Variants in INPP4B observed in about 807,000 individuals in gnomAD.
The protein encoded by INPP4B is inositol polyphosphate-4-phosphatase type II B, also known as inositol polyphosphate 4-phosphatase type II.
Under a neutral mutation model 122.5 loss-of-function variants are expected in INPP4B, and 55 were observed. The ratio of observed to expected loss-of-function variants is 0.45; its 90% CI spans 0.36 to 0.56. The LOEUF (loss-of-function observed/expected upper bound fraction) is 0.56, where lower values mean the gene tolerates loss of function less well. Ranked by LOEUF, INPP4B falls within the 20% of genes least tolerant of loss-of-function variation. The pLI is 0.00. For synonymous variants in INPP4B, 403 were observed against 388.7 expected, an observed-to-expected ratio of 1.04 and a Z score of -0.43; for missense variants, 1,000 against 1,097.7, an observed-to-expected ratio of 0.91 and a Z score of 1.26.
At chr4:142,253,506 G>A (rs1234131075) in intron 11 of INPP4B, among the ~76,000 whole-genome samples, 6 of 152,140 alleles carry the variant, frequency 3.9e-5, no homozygotes, top group East Asian at 1.9e-4. Flanking sequence ...CGCACCATGT[G>A]CGAGCCGAAG....
At chr4:142,203,246 C>T (rs1049559834) in intron 14 of INPP4B, among the ~76,000 whole-genome samples, 3 of 152,096 alleles carry the variant, frequency 2.0e-5, no homozygotes, top group Non-Finnish European at 2.9e-5. Flanking sequence ...GTTAGCTATA[C>T]ATTAATAATG....
intron 7 of INPP4B, among the ~76,000 whole-genome samples, chr4:142,365,609 A>G (rs1404040101): frequency 2.0e-5 from 3 of 152,140 alleles, no homozygotes; most frequent in Non-Finnish European, 2.9e-5. Flanking sequence ...GGCTACATCA[A>G]TTAAATGCGA....
chr4:142,563,389 C>A (rs1374577321), intron 2 of INPP4B, among the ~76,000 whole-genome samples: 1 of 151,932 alleles, frequency 6.6e-6, no homozygotes, highest in Non-Finnish European at 1.5e-5. Flanking sequence ...CCAGAATAGG[C>A]AAATTGAAAA....
intron 7 of INPP4B, among the ~76,000 whole-genome samples, chr4:142,320,128 C>A (rs1476067885): frequency 6.6e-6 from 1 of 152,198 alleles, no homozygotes; most frequent in Non-Finnish European, 1.5e-5. Flanking sequence ...TGAGGCCACA[C>A]ACCAGCAGCC....
chr4:142,410,204 C>T (rs1311718295), intron 5 of INPP4B, among the ~76,000 whole-genome samples: 2 of 152,142 alleles, frequency 1.3e-5, no homozygotes, highest in Admixed American at 1.3e-4. Context: ...CAACACTGCT[C>T]GAATTCAAGT....
Position 142,063,160 on chromosome 4 carries a change from T to A in INPP4B, c.2642+18871A>T, listed in dbSNP as rs1578770758. Among the ~76,000 whole-genome samples the A allele has an allele frequency of 3.3e-5, 5 of 152,238 alleles. No individual in the cohort carries two copies. In the South Asian group the frequency reaches 1.0e-3, roughly 32 times the overall value. ...CTGAGCATTTTCCTTAGAGGAGAAG[T>A]CAATATCTATGAGGAGTGCTGACTA... On this transcript the variant is annotated intron_variant, in intron 25 of 25. Transcript: ENST00000262992.
intron 2 of INPP4B, among the ~76,000 whole-genome samples, chr4:142,588,617 A>C (rs1202669965): frequency 6.6e-6 from 1 of 150,862 alleles, no homozygotes; most frequent in Non-Finnish European, 1.5e-5. Flanking sequence ...AAAATGAAAT[A>C]AGAATAAATA....
At chr4:142,485,832 T>G (rs1232836268) in intron 2 of INPP4B, among the ~76,000 whole-genome samples, 1 of 152,098 alleles carries the variant, frequency 6.6e-6, no homozygotes, top group Non-Finnish European at 1.5e-5. Context: ...ATACACCCAT[T>G]ATTAAATAGC....
chr4:142,211,756 C>A (rs923444135), intron 12 of INPP4B, among the ~76,000 whole-genome samples: 1 of 152,130 alleles, frequency 6.6e-6, no homozygotes, highest in African/African-American at 2.4e-5. Flanking sequence ...GTTATTAAGT[C>A]CTCTGCCTTT....
chr4:142,399,578 G>A (rs1800933969), intron 7 of INPP4B, among the ~76,000 whole-genome samples: 1 of 152,146 alleles, frequency 6.6e-6, no homozygotes, highest in Admixed American at 6.5e-5. Flanking sequence ...CATTGTAAAT[G>A]ATGTCCTGAA....
At chr4:142,735,751 C>T (rs2150896942) in intron 1 of INPP4B, among the ~76,000 whole-genome samples, 1 of 152,180 alleles carries the variant, frequency 6.6e-6, no homozygotes, top group African/African-American at 2.4e-5. Flanking sequence ...TGTGAAATTT[C>T]TCATTTTATT....
chr4:142,641,489 A>G (rs557478935), intron 2 of INPP4B, among the ~76,000 whole-genome samples: 3 of 143,638 alleles, frequency 2.1e-5, no homozygotes, highest in African/African-American at 7.8e-5. Context: ...CTCATTTTTC[A>G]GTTCCCAGCT....
chr4:142,833,458 T>C (rs1179318915), intron 1 of INPP4B, among the ~76,000 whole-genome samples: 4 of 152,110 alleles, frequency 2.6e-5, no homozygotes, highest in Admixed American at 6.6e-5. Flanking sequence ...GATCTTTGAG[T>C]ATAGAATATA....
chr4:142,541,204 T>C (rs1057129064), intron 2 of INPP4B, among the ~76,000 whole-genome samples: 10 of 152,224 alleles, frequency 6.6e-5, no homozygotes, highest in African/African-American at 2.2e-4. Flanking sequence ...CATGTAATCC[T>C]CAAAGAAGTA....
In INPP4B at chr4:142,846,179, C is replaced by G. The variant is rs1399484896; in HGVS notation, c.-254+30G>C. 6.6e-6 allele frequency: 1 copy of G among 152,340 alleles called. No individual in the cohort carries two copies. Among genetic ancestry groups the G allele is most frequent in the African/African-American group, 2.4e-5 (1 of 41,428 alleles). The allele number at this position is 152,340 out of a possible 1,614,324, so 9.4% of individuals were successfully genotyped here. On this transcript the variant is annotated intron_variant, in intron 1 of 25. Transcript: ENST00000262992. This position sits in a 1 kb window ranked among gnomAD's most constrained non-coding sequence, Gnocchi z 5.1. ...ACCCCACCCTGCAAAATTCCCCCAC[C>G]GAGCCCTAGGATCCCAGGCGGGTAA... is the stretch of plus-strand genomic sequence containing the variant.
intron 15 of INPP4B, among the ~76,000 whole-genome samples, chr4:142,182,077 G>A (rs944757839): frequency 2.6e-5 from 4 of 152,152 alleles, no homozygotes; most frequent in Non-Finnish European, 4.4e-5. Context: ...TCTTTTGACT[G>A]CTTGAGGGTA....
chr4:142,356,542 G>C (rs1212784034), intron 7 of INPP4B, among the ~76,000 whole-genome samples: 2 of 151,814 alleles, frequency 1.3e-5, no homozygotes, highest in South Asian at 2.1e-4. Context: ...GAGGATAAAA[G>C]GTTGCTCTTG....
intron 15 of INPP4B, among the ~76,000 whole-genome samples, chr4:142,175,281 AT>A (rs1254452754): frequency 6.6e-6 from 1 of 152,174 alleles, no homozygotes; most frequent in Non-Finnish European, 1.5e-5. Flanking sequence ...AAAAACTGAC[AT>A]CTAGGAAGCA....
At chr4:142,845,117 G>A (rs1784025808) in intron 1 of INPP4B, among the ~76,000 whole-genome samples, 1 of 152,128 alleles carries the variant, frequency 6.6e-6, no homozygotes, top group African/African-American at 2.4e-5. Context: ...AAGAGTAATA[G>A]AAAACCCTAC....
Sources: gnomAD v4.1 joint callset for allele counts (sites outside exome capture counted in the v4.1 genomes callset) on GRCh38, gnomAD v4.1.1 for gene constraint, Gnocchi (gnomAD v3.1) non-coding constraint, MANE v1.5 for transcripts, NCBI Gene and HGNC (gene_info 2026-07-23, HGNC 2026-07-21) for gene names.